ATP8A2: variants seen among roughly 807,000 people sequenced by gnomAD.
The protein encoded by ATP8A2 is phospholipid-transporting ATPase IB.
In ATP8A2, 100 loss-of-function variants were observed where a neutral mutation model predicts 165.6. The ratio of observed to expected loss-of-function variants is 0.60; its 90% CI spans 0.51 to 0.71. The LOEUF is 0.71. ATP8A2 is among the 30% of genes least tolerant of loss of function. ATP8A2 has a pLI of 0.00. For synonymous variants in ATP8A2, 543 were observed against 548.8 expected, an observed-to-expected ratio of 0.99 and a Z score of 0.15; for missense variants, 1,227 against 1,479.5, an observed-to-expected ratio of 0.83 and a Z score of 2.80.
At chr13:25,476,854 T>G (rs990808568) in intron 2 of ATP8A2, among the ~76,000 whole-genome samples, 2 of 152,232 alleles carry the variant, frequency 1.3e-5, no homozygotes, top group Non-Finnish European at 2.9e-5. Context: ...TGAGTTCTTA[T>G]TTTCGATGTA....
At chr13:25,838,086 G>C (rs2138652914) in intron 29 of ATP8A2, among the ~76,000 whole-genome samples, 1 of 152,302 alleles carries the variant, frequency 6.6e-6, no homozygotes, top group African/African-American at 2.4e-5. Context: ...TGCGCAGGGG[G>C]GATTCAGAAG....
intron 35 of ATP8A2, among the ~76,000 whole-genome samples, chr13:25,982,367 A>G (rs1956187527): frequency 1.3e-5 from 2 of 152,240 alleles, no homozygotes; most frequent in Non-Finnish European, 2.9e-5. Context: ...CACATGACGC[A>G]GAAGATTGCA....
At chr13:25,580,010 T>G in intron 22 of ATP8A2, 63 bp downstream of exon 22, 2 of 1,574,474 alleles carry the variant, frequency 1.3e-6, no homozygotes, top group South Asian at 2.2e-5. Flanking sequence ...TTTCACAAAG[T>G]ATTTGAACAG....
At chr13:25,509,807 T>C (rs571843039) in intron 2 of ATP8A2, among the ~76,000 whole-genome samples, 1 of 152,348 alleles carries the variant, frequency 6.6e-6, no homozygotes, top group Admixed American at 6.5e-5. Context: ...TGAATACCAG[T>C]ACATTGTGTT....
chr13:25,533,277 A>G lies in ATP8A2; in HGVS notation c.471A>G (p.Leu157=). Residue 157 remains leucine (L), a synonymous_variant, in exon 6 of 37, where the codon TTA becomes TTG. Transcript: ENST00000381655. ...NAVNKKKTIV[L]RNGMWHTIMW... ...TTTTATTTTTCTCTTTTTCAGTGTT[A>G]AGAAATGGTATGTGGCATACCATTA... The G allele has an allele frequency of 6.7e-7, 1 of 1,489,732 alleles. No homozygotes were observed. The highest frequency in any genetic ancestry group is 9.3e-7 in the Non-Finnish European group (1 of 1,071,834). 92.3% of individuals were successfully genotyped at this position (1,489,732 alleles called of 1,614,324 possible). A position where few individuals can be genotyped will look rare whatever the true frequency, so the allele number is the denominator to read the frequency against.
intron 24 of ATP8A2, among the ~76,000 whole-genome samples, chr13:25,646,416 C>T (rs548564627): frequency 3.9e-5 from 6 of 151,936 alleles, no homozygotes; most frequent in East Asian, 3.9e-4. Flanking sequence ...TTTGGAAGGC[C>T]GAGGCAGGTG....
intron 25 of ATP8A2, among the ~76,000 whole-genome samples, chr13:25,702,122 T>G (rs1239191340): frequency 6.6e-6 from 1 of 152,200 alleles, no homozygotes; most frequent in Non-Finnish European, 1.5e-5. Flanking sequence ...AAACATAAAG[T>G]TGACCTTAAT....
intron 33 of ATP8A2, among the ~76,000 whole-genome samples, chr13:25,873,614 C>T (rs1478503375): frequency 1.3e-5 from 2 of 151,012 alleles, no homozygotes; most frequent in Middle Eastern, 3.4e-3. Flanking sequence ...AATCCAGGCT[C>T]TGTTATTTTT....
At chr13:25,671,571 C>T (rs1282541229) in intron 24 of ATP8A2, among the ~76,000 whole-genome samples, 2 of 152,034 alleles carry the variant, frequency 1.3e-5, no homozygotes, top group Admixed American at 6.6e-5. Context: ...TGGGTGTGGT[C>T]GTCTCTTATG....
chr13:25,384,217 AT>A (rs1478051068), intron 1 of ATP8A2, among the ~76,000 whole-genome samples: 1 of 151,978 alleles, frequency 6.6e-6, no homozygotes, highest in South Asian at 2.1e-4. Context: ...CAGCTTAGCT[AT>A]TTTTTTAGTT....
At chr13:25,395,853 C>G (rs1566102045) in intron 1 of ATP8A2, among the ~76,000 whole-genome samples, 1 of 146,958 alleles carries the variant, frequency 6.8e-6, no homozygotes, top group African/African-American at 2.5e-5. Context: ...ATTTTTCTTT[C>G]TTTTTTTTTT....
chr13:25,566,854 G>A (rs1327055336), intron 16 of ATP8A2, among the ~76,000 whole-genome samples: 1 of 152,200 alleles, frequency 6.6e-6, no homozygotes, highest in Non-Finnish European at 1.5e-5. Context: ...AAGCAGACAT[G>A]TGAAATTCTT....
intron 35 of ATP8A2, among the ~76,000 whole-genome samples, chr13:25,979,926 A>G (rs918979122): frequency 2.0e-5 from 3 of 152,216 alleles, no homozygotes; most frequent in African/African-American, 4.8e-5. Context: ...CTGTAACAAC[A>G]GTCAGAGTAA....
chr13:25,507,521 G>A (rs139943028), intron 2 of ATP8A2, among the ~76,000 whole-genome samples: 3 of 152,018 alleles, frequency 2.0e-5, no homozygotes, highest in Non-Finnish European at 4.4e-5. Context: ...CCTCCTTGGC[G>A]TGCCAAAGTG....
At chr13:25,751,574 C>G (rs964239114) in intron 25 of ATP8A2, among the ~76,000 whole-genome samples, 5 of 152,066 alleles carry the variant, frequency 3.3e-5, no homozygotes, top group Non-Finnish European at 7.4e-5. Context: ...GTAGCTGGGA[C>G]TACAGGCGTG....
At chr13:26,009,337 A>C (rs1323109909) in intron 35 of ATP8A2, among the ~76,000 whole-genome samples, 4 of 152,144 alleles carry the variant, frequency 2.6e-5, no homozygotes, top group Admixed American at 6.5e-5. Flanking sequence ...CCTTAGCCAG[A>C]GTAAGGCAGC....
chr13:25,405,330 G>A (rs1310586044), intron 1 of ATP8A2, among the ~76,000 whole-genome samples: 1 of 152,224 alleles, frequency 6.6e-6, no homozygotes, highest in Non-Finnish European at 1.5e-5. Context: ...GTCCTGAAGA[G>A]AAATGGGATC....
intron 24 of ATP8A2, among the ~76,000 whole-genome samples, chr13:25,640,094 A>T (rs537738313): frequency 5.8e-4 from 89 of 152,360 alleles, no homozygotes; most frequent in African/African-American, 2.1e-3. Flanking sequence ...TCTGAGACAC[A>T]TTTAAAGCAG....
intron 24 of ATP8A2, among the ~76,000 whole-genome samples, chr13:25,604,629 T>C (rs1321207023): frequency 6.6e-6 from 1 of 152,236 alleles, no homozygotes; most frequent in Non-Finnish European, 1.5e-5. Flanking sequence ...ATATTTGTTA[T>C]TAATGGTCTT....
Sources: allele counts gnomAD v4.1 joint callset (sites outside exome capture counted in the v4.1 genomes callset), GRCh38; gene constraint gnomAD v4.1.1; transcripts MANE v1.5; gene names NCBI Gene and HGNC (gene_info 2026-07-23, HGNC 2026-07-21).